The following PDLIM1 variants were observed in gnomAD, a reference collection of about 807,000 sequenced individuals.
The protein encoded by PDLIM1 is PDZ and LIM domain 1, also known as PDZ and LIM domain protein 1.
In PDLIM1, 25 loss-of-function variants were observed where a neutral mutation model predicts 35.2. The observed-to-expected ratio is 0.71, with a 90% CI of 0.52 to 0.99. The LOEUF is 0.99. Among genes scored for constraint, PDLIM1 ranks in the 50% least tolerant of loss-of-function variants. The pLI is 0.00. For missense variants in PDLIM1, 363 were observed against 415.3 expected (o/e 0.87, Z 1.09); for synonymous variants, 152 against 154.0 (o/e 0.99, Z 0.10).
At chr10:95,279,669 C>T (rs760825259) in intron 1 of PDLIM1, among the ~76,000 whole-genome samples, 11 of 152,186 alleles carry the variant, frequency 7.2e-5, no homozygotes, top group Non-Finnish European at 1.5e-4. Context: ...GGGAGCAAAA[C>T]GTTGTCCCTG....
Position 95,268,791 on chromosome 10 carries a change from G to A in PDLIM1, c.320C>T (p.Ala107Val), listed in dbSNP as rs2035437200. The A allele has an allele frequency of 6.2e-7, 1 of 1,611,262 alleles. No individual in the cohort carries two copies. The highest frequency in any genetic ancestry group is 8.5e-7 in the Non-Finnish European group (1 of 1,177,348). Residue 107 changes from alanine (A) to valine (V), a missense_variant, in exon 3 of 7, where the codon GCC (alanine) becomes GTC (valine). Coordinates refer to ENST00000329399, the MANE Select transcript of PDLIM1 (RefSeq NM_020992.4). The part of the protein sequence containing the change: ...GKRHPYKMNL[A>V]SEPQEVLHIG... ...GCAAGAACTTACCTGGGGTTCAGAG[G>A]CTAAATTCATCTTGTATGGATGACG...
chr10:95,273,035 AC>A (rs2035478422), intron 1 of PDLIM1: 3 of 152,314 alleles, frequency 2.0e-5, no homozygotes, highest in South Asian at 4.1e-4. Context: ...AATAGTACTC[AC>A]CTCAGAGTAC....
intron 4 of PDLIM1, among the ~76,000 whole-genome samples, chr10:95,262,236 C>A (rs1459339072): frequency 6.6e-6 from 1 of 152,114 alleles, no homozygotes; most frequent in Non-Finnish European, 1.5e-5. Context: ...CCTCTCTCAA[C>A]CTGCATTTGA....
chr10:95,262,302 T>C (rs953318560), intron 4 of PDLIM1, among the ~76,000 whole-genome samples: 1 of 152,016 alleles, frequency 6.6e-6, no homozygotes, highest in East Asian at 1.9e-4. Context: ...TTGTTAAAGG[T>C]GAATTGGGGA....
intron 3 of PDLIM1, among the ~76,000 whole-genome samples, chr10:95,264,575 A>G (rs1269160647): frequency 6.6e-6 from 1 of 152,224 alleles, no homozygotes; most frequent in African/African-American, 2.4e-5. Flanking sequence ...GCAGCTGCTG[A>G]CTAGGCAGAG....
At chr10:95,285,557 T>C (rs1364944738) in intron 1 of PDLIM1, among the ~76,000 whole-genome samples, 1 of 152,164 alleles carries the variant, frequency 6.6e-6, no homozygotes. Context: ...CCCTCTGTCA[T>C]GGGTTGTGGG....
At chr10:95,245,713 G>C (rs1393243529) in intron 5 of PDLIM1, among the ~76,000 whole-genome samples, 1 of 152,224 alleles carries the variant, frequency 6.6e-6, no homozygotes, top group Non-Finnish European at 1.5e-5. Context: ...GAGGAAAGCA[G>C]TGGTAGAACA....
intron 1 of PDLIM1, among the ~76,000 whole-genome samples, chr10:95,282,740 G>A (rs972158373): frequency 3.9e-5 from 6 of 152,158 alleles, no homozygotes; most frequent in Non-Finnish European, 7.3e-5. Context: ...AGGAGTTCAA[G>A]GCCAGCCTGT....
At chr10:95,253,235 G>GA (rs1207306095) in intron 4 of PDLIM1, among the ~76,000 whole-genome samples, 1 of 151,886 alleles carries the variant, frequency 6.6e-6, no homozygotes, top group Non-Finnish European at 1.5e-5. Flanking sequence ...TTCAGCTGCT[G>GA]AAAGAAAAAA....
At chr10:95,246,382 TGATCA>T (rs2035221930) in intron 5 of PDLIM1, among the ~76,000 whole-genome samples, 1 of 152,246 alleles carries the variant, frequency 6.6e-6, no homozygotes, top group Non-Finnish European at 1.5e-5. Context: ...CACTTAAACA[TGATCA>T]TAATAAATGT....
chr10:95,287,885 T>C lies in PDLIM1; in HGVS notation c.96+2935A>G, dbSNP rs192349281. ...ATTTTAAGTTGATAACGATACTAGATGAAAACATTAAGGAGCTAAAGAAGC... is the reference window on the plus strand; with the variant it reads ...ATTTTAAGTTGATAACGATACTAGACGAAAACATTAAGGAGCTAAAGAAGC... On this transcript the variant is annotated intron_variant, in intron 1 of 6. Transcript: ENST00000329399. 2.3e-4 allele frequency among the ~76,000 whole-genome samples: 35 copies of C among 150,392 alleles called. No homozygotes were observed. In the Admixed American group the frequency reaches 2.3e-3, roughly 10 times the overall value.
chr10:95,256,783 C>A (rs190882955), intron 4 of PDLIM1, among the ~76,000 whole-genome samples: 1 of 150,832 alleles, frequency 6.6e-6, no homozygotes, highest in Admixed American at 6.6e-5. Flanking sequence ...ACCAGCCTGG[C>A]CAACACAGTG....
chr10:95,238,086 G>C lies in PDLIM1; in HGVS notation c.829C>G (p.Arg277Gly). 1.2e-6 allele frequency: 2 copies of C among 1,613,888 alleles called. No individual in the cohort carries two copies. The highest frequency in any genetic ancestry group is 1.7e-6 in the Non-Finnish European group (2 of 1,179,904). Reference protein sequence around the residue: ...IVGVFVKLRDRHRHPECYVCT... With the variant: ...IVGVFVKLRDGHRHPECYVCT... ...ACATAACACTCAGGGTGGCGGTGAC[G>C]GTCCCGCAGCTTCACAAACACACCA... Residue 277 changes from arginine to glycine, a missense_variant, in exon 7 of 7, where the codon CGT becomes GGT. Physicochemically the swap from Arg to Gly is moderately radical, Grantham distance 125. Transcript: ENST00000329399.
chr10:95,256,268 T>C (rs2133419944), intron 4 of PDLIM1, among the ~76,000 whole-genome samples: 1 of 152,290 alleles, frequency 6.6e-6, no homozygotes, highest in East Asian at 1.9e-4. Flanking sequence ...ATATCTGTAC[T>C]ACCCAAAGCA....
At chr10:95,242,020 G>C (rs2035182477) in intron 5 of PDLIM1, among the ~76,000 whole-genome samples, 1 of 152,198 alleles carries the variant, frequency 6.6e-6, no homozygotes, top group Non-Finnish European at 1.5e-5. Flanking sequence ...CTCAGACTTA[G>C]GCTTCCCCCC....
At chr10:95,274,234 C>G (rs546976062) in intron 1 of PDLIM1, among the ~76,000 whole-genome samples, 6 of 151,460 alleles carry the variant, frequency 4.0e-5, no homozygotes, top group East Asian at 1.9e-4. Flanking sequence ...TGTAAACAAC[C>G]CTTCTTCTCA....
At chr10:95,272,240 A>T (rs2035471087) in intron 1 of PDLIM1, among the ~76,000 whole-genome samples, 1 of 152,222 alleles carries the variant, frequency 6.6e-6, no homozygotes, top group South Asian at 2.1e-4. Context: ...TTTAGAGAAC[A>T]TTATATACTA....
intron 3 of PDLIM1, among the ~76,000 whole-genome samples, chr10:95,267,511 A>G (rs1262613251): frequency 1.3e-5 from 2 of 152,216 alleles, no homozygotes; most frequent in Non-Finnish European, 2.9e-5. Flanking sequence ...TCCTGAGAGG[A>G]GTTGTATAGA....
chr10:95,275,197 G>A (rs758815212), intron 1 of PDLIM1, among the ~76,000 whole-genome samples: 1 of 152,130 alleles, frequency 6.6e-6, no homozygotes, highest in Non-Finnish European at 1.5e-5. Context: ...CCACACCCCT[G>A]TGATGGCATG....
Sources: allele counts gnomAD v4.1 joint callset (sites outside exome capture counted in the v4.1 genomes callset), GRCh38; gene constraint gnomAD v4.1.1; transcripts MANE v1.5; gene names NCBI Gene and HGNC (gene_info 2026-07-23, HGNC 2026-07-21).